Variants in BNC2 observed in about 807,000 individuals in gnomAD.
The protein encoded by BNC2 is zinc finger protein basonuclin-2.
In BNC2, 20 loss-of-function variants were observed where a neutral mutation model predicts 76.3. The observed-to-expected ratio is 0.26, with a 90% CI of 0.18 to 0.38. The LOEUF (loss-of-function observed/expected upper bound fraction) is 0.38, where lower values mean the gene tolerates loss of function less well. Among genes scored for constraint, BNC2 ranks in the 10% least tolerant of loss-of-function variants. The probability of loss-of-function intolerance (pLI) is 1.00; values close to 1 mark genes in which losing one functional copy is unlikely to be tolerated. For synonymous variants in BNC2, 582 were observed against 514.8 expected (o/e 1.13, Z -1.77); for missense variants, 1,382 against 1,399.8 (o/e 0.99, Z 0.20).
intron 1 of BNC2, chr9:16,868,065 A>G (rs1819586571): frequency 6.6e-6 from 1 of 152,170 alleles, no homozygotes; most frequent in Non-Finnish European, 1.5e-5. Context: ...GCAACATGAA[A>G]GTACTTTTCT....
chr9:16,849,192 T>C (rs1336206901), intron 1 of BNC2, among the ~76,000 whole-genome samples: 1 of 152,006 alleles, frequency 6.6e-6, no homozygotes, highest in South Asian at 2.1e-4. Context: ...GAGTCAAATT[T>C]ATTTCATTTC....
At chr9:16,559,321 T>C (rs1220751005) in intron 4 of BNC2, among the ~76,000 whole-genome samples, 1 of 152,188 alleles carries the variant, frequency 6.6e-6, no homozygotes, top group Non-Finnish European at 1.5e-5. Flanking sequence ...TGTTAGTGTA[T>C]TTTATGTGTG....
chr9:16,823,223 C>G (rs1818380905), intron 1 of BNC2, among the ~76,000 whole-genome samples: 1 of 152,008 alleles, frequency 6.6e-6, no homozygotes, highest in South Asian at 2.1e-4. Context: ...ACTTTCTAAC[C>G]AACAAATTCT....
chr9:16,870,323 C>T (rs1819648479), intron 1 of BNC2, among the ~76,000 whole-genome samples: 1 of 152,172 alleles, frequency 6.6e-6, no homozygotes, highest in Non-Finnish European at 1.5e-5. Flanking sequence ...CGCCCTGGAG[C>T]CTCCCCTAGC....
chr9:16,533,545 A>T (rs957720709), intron 5 of BNC2, among the ~76,000 whole-genome samples: 1 of 152,210 alleles, frequency 6.6e-6, no homozygotes, highest in East Asian at 1.9e-4. Context: ...TTGGTTAAAC[A>T]TGTGGCAGTA....
intron 1 of BNC2, among the ~76,000 whole-genome samples, chr9:16,845,697 G>A (rs1818962472): frequency 6.6e-6 from 1 of 152,012 alleles, no homozygotes; most frequent in Non-Finnish European, 1.5e-5. Context: ...CTCCAGCCTG[G>A]GCGACAAAGC....
chr9:16,480,052 C>G (rs368389088), intron 5 of BNC2, among the ~76,000 whole-genome samples: 6 of 152,288 alleles, frequency 3.9e-5, no homozygotes, highest in African/African-American at 1.4e-4. Context: ...GTTCATTCAA[C>G]ACATGTAACA....
In BNC2 at chr9:16,413,564, T is replaced by G. The variant is rs1446389337; in HGVS notation, c.*5425A>C. 6.6e-6 allele frequency: 1 copy of G among 152,118 alleles called. No homozygotes were observed. Among genetic ancestry groups the G allele is most frequent in the African/African-American group, 2.4e-5 (1 of 41,422 alleles). The allele number at this position is 152,118 out of a possible 1,614,324, so 9.4% of individuals were successfully genotyped here. ...GTGGGAAGGATGAGGATGATGAAAC[T>G]ACACAAGGAAGGACGGGTATGTGGG... is the stretch of plus-strand genomic sequence containing the variant. On this transcript the variant is annotated 3_prime_UTR_variant, in exon 7 of 7. Coordinates refer to ENST00000380672, the MANE Select transcript of BNC2 (RefSeq NM_017637.6).
At chr9:16,522,361 T>C (rs1486020240) in intron 5 of BNC2, among the ~76,000 whole-genome samples, 1 of 152,188 alleles carries the variant, frequency 6.6e-6, no homozygotes, top group Non-Finnish European at 1.5e-5. Flanking sequence ...TTGATATAAA[T>C]TCCATCTGCT....
intron 1 of BNC2, among the ~76,000 whole-genome samples, chr9:16,783,935 T>A (rs370521616): frequency 1.3e-5 from 2 of 152,200 alleles, no homozygotes. Flanking sequence ...TATATGAAAA[T>A]GTTGGAAGAT....
rs889376720 is a variant in BNC2, at chr9:16,692,214, G to A, written c.330+35583C>T. On this transcript the variant is annotated intron_variant, in intron 3 of 6. Transcript: ENST00000380672. Reference sequence around the variant, plus strand: ...TGGAAATTGAACACCACAGGTTGTTGCTTATGGGCAAATACATTGTCAACT... The same window carrying A: ...TGGAAATTGAACACCACAGGTTGTTACTTATGGGCAAATACATTGTCAACT... Among the ~76,000 whole-genome samples the A allele has an allele frequency of 6.6e-5, 10 of 152,322 alleles. No homozygotes were observed. In the East Asian group the frequency reaches 1.2e-3, roughly 18 times the overall value.
chr9:16,806,899 C>T (rs1399638944), intron 1 of BNC2, among the ~76,000 whole-genome samples: 1 of 152,162 alleles, frequency 6.6e-6, no homozygotes, highest in Non-Finnish European at 1.5e-5. Flanking sequence ...TGCATGCTGA[C>T]CAGAAAGAGA....
chr9:16,639,526 G>C (rs893438708), intron 3 of BNC2, among the ~76,000 whole-genome samples: 1 of 151,800 alleles, frequency 6.6e-6, no homozygotes, highest in Non-Finnish European at 1.5e-5. Flanking sequence ...GTGCCTCTTC[G>C]TTAATTCTCA....
At chr9:16,465,242 C>A (rs998069756) in intron 5 of BNC2, among the ~76,000 whole-genome samples, 1 of 152,076 alleles carries the variant, frequency 6.6e-6, no homozygotes, top group African/African-American at 2.4e-5. Context: ...TCAAGACCAG[C>A]CTGGCCAACA....
At chr9:16,804,776 T>A (rs1164498245) in intron 1 of BNC2, among the ~76,000 whole-genome samples, 1 of 152,068 alleles carries the variant, frequency 6.6e-6, no homozygotes, top group Non-Finnish European at 1.5e-5. Context: ...AAAAGTGGTG[T>A]GGAGAGGCCG....
chr9:16,455,369 G>C (rs867298891), intron 5 of BNC2, among the ~76,000 whole-genome samples: 2 of 152,188 alleles, frequency 1.3e-5, no homozygotes, highest in Middle Eastern at 6.8e-3. Context: ...AATTAATTTT[G>C]AATATATCCA....
intron 3 of BNC2, among the ~76,000 whole-genome samples, chr9:16,714,023 A>G (rs1823928229): frequency 6.6e-6 from 1 of 152,230 alleles, no homozygotes; most frequent in Non-Finnish European, 1.5e-5. Flanking sequence ...GATGCTGGCC[A>G]TGAGCCCAGA....
chr9:16,747,658 C>T (rs1825051108), intron 1 of BNC2, among the ~76,000 whole-genome samples: 5 of 152,172 alleles, frequency 3.3e-5, no homozygotes, highest in Admixed American at 3.3e-4. Flanking sequence ...ATCCAAATAT[C>T]CAGCATTGCC....
intron 3 of BNC2, among the ~76,000 whole-genome samples, chr9:16,589,652 G>A (rs889769690): frequency 6.6e-6 from 1 of 151,938 alleles, no homozygotes; most frequent in African/African-American, 2.4e-5. Context: ...GGGATTACAT[G>A]CACGCACCAC....
Sources: allele counts gnomAD v4.1 joint callset (sites outside exome capture counted in the v4.1 genomes callset), GRCh38; gene constraint gnomAD v4.1.1; transcripts MANE v1.5; gene names NCBI Gene and HGNC (gene_info 2026-07-23, HGNC 2026-07-21).